Variants in ZNF536 observed in about 807,000 individuals in gnomAD.
ZNF536 encodes the protein zinc finger protein 536.
In ZNF536, 13 loss-of-function variants were observed where a neutral mutation model predicts 84.5. The observed-to-expected ratio is 0.15, with a 90% CI of 0.10 to 0.24. The LOEUF (loss-of-function observed/expected upper bound fraction) is 0.24, where lower values mean the gene tolerates loss of function less well. Among genes scored for constraint, ZNF536 ranks in the 10% least tolerant of loss-of-function variants. The pLI, the probability that ZNF536 is intolerant of heterozygous loss-of-function variation, is 1.00. For missense variants in ZNF536, 1,536 were observed against 1,747.5 expected (o/e 0.88, Z 2.16); for synonymous variants, 811 against 742.5 (o/e 1.09, Z -1.50).
chr19:30,697,666 T>A (rs534064362), intron 1 of ZNF536, among the ~76,000 whole-genome samples: 1 of 152,332 alleles, frequency 6.6e-6, no homozygotes, highest in East Asian at 1.9e-4. Context: ...AGCCTTGGTG[T>A]CTGGCTTGAA....
At chr19:30,683,223 C>A (rs1051560610) in intron 1 of ZNF536, among the ~76,000 whole-genome samples, 2 of 152,160 alleles carry the variant, frequency 1.3e-5, no homozygotes, top group African/African-American at 4.8e-5. Context: ...CTGGCCTTGG[C>A]TGGAGAAGAG....
chr19:30,493,616 G>A (rs546751415), intron 2 of ZNF536, among the ~76,000 whole-genome samples: 1 of 152,264 alleles, frequency 6.6e-6, no homozygotes, highest in South Asian at 2.1e-4. Flanking sequence ...CGGGGCATTT[G>A]TCGTGGGCCT....
chr19:30,514,285 C>CA (rs899951560), intron 2 of ZNF536, among the ~76,000 whole-genome samples: 11 of 152,026 alleles, frequency 7.2e-5, no homozygotes, highest in African/African-American at 2.7e-4. Flanking sequence ...CTCCCACCCT[C>CA]AAAAAAATCA....
chr19:30,436,452 C>G, intron 1 of ZNF536: 6 of 964,708 alleles, frequency 6.2e-6, no homozygotes, highest in Non-Finnish European at 7.3e-6. Flanking sequence ...CAAATGTCAC[C>G]AGTGTTGATT....
Position 30,246,064 on chromosome 19 carries a change from C to T in ZNF536, c.-190+17391C>T, listed in dbSNP as rs370185896. On this transcript the variant is annotated intron_variant, in intron 1 of 5. Coordinates refer to the ZNF536 transcript ENST00000585628. ...GTGGAGACGAGAGAAGATGCTGCCC[C>T]GGCCCCCTGATTGGTGAGCCGCTCA... 1.3e-3 allele frequency among the ~76,000 whole-genome samples: 199 copies of T among 152,256 alleles called. 1 individual carries two copies. Among genetic ancestry groups the T allele is most frequent in the African/African-American group, 4.6e-3 (192 of 41,560 alleles).
chr19:30,422,614 C>T (rs1335175820), intron 1 of ZNF536, among the ~76,000 whole-genome samples: 1 of 152,180 alleles, frequency 6.6e-6, no homozygotes, highest in East Asian at 1.9e-4. Flanking sequence ...CTTATCTCCA[C>T]AGTTCTCATA....
At chr19:30,485,843 A>G (rs571825378) in intron 2 of ZNF536, among the ~76,000 whole-genome samples, 1 of 151,976 alleles carries the variant, frequency 6.6e-6, no homozygotes, top group Non-Finnish European at 1.5e-5. Context: ...TTTTTTCTTA[A>G]TTTGGGATAC....
intron 1 of ZNF536, among the ~76,000 whole-genome samples, chr19:30,426,388 T>A (rs1015420902): frequency 2.6e-5 from 4 of 152,020 alleles, no homozygotes; most frequent in African/African-American, 9.7e-5. Flanking sequence ...CATGAAGGAG[T>A]GCATGGAAAC....
chr19:30,404,156 G>T (rs555019014), intron 1 of ZNF536, among the ~76,000 whole-genome samples: 1 of 151,968 alleles, frequency 6.6e-6, no homozygotes, highest in South Asian at 2.1e-4. Flanking sequence ...TAAGGCCAGC[G>T]TTGCCCACGC....
At chr19:30,590,282 G>T (rs1320209402) in intron 1 of ZNF536, among the ~76,000 whole-genome samples, 1 of 152,214 alleles carries the variant, frequency 6.6e-6, no homozygotes, top group East Asian at 1.9e-4. Flanking sequence ...AAGTGCTGTT[G>T]TCCTCACATT....
intron 2 of ZNF536, among the ~76,000 whole-genome samples, chr19:30,474,356 A>G (rs2053762054): frequency 6.6e-6 from 1 of 151,814 alleles, no homozygotes; most frequent in African/African-American, 2.4e-5. Context: ...TGAAATGATT[A>G]GGGGGTTTAT....
At chr19:30,507,359 AC>A (rs1162731800) in intron 2 of ZNF536, among the ~76,000 whole-genome samples, 2 of 152,160 alleles carry the variant, frequency 1.3e-5, no homozygotes, top group Admixed American at 1.3e-4. Context: ...TCAAAAAAAA[AC>A]CAAAAAACAA....
Position 30,349,692 on chromosome 19 carries a change from C to T in ZNF536, c.-119-2676C>T, listed in dbSNP as rs796433936. The stretch of plus-strand genomic sequence containing the variant: ...TATCCACCTCAGCCCTCGACCCTGC[C>T]CTCACCAACTAGCCATCTTTTTGCC... On this transcript the variant is annotated intron_variant, in intron 2 of 5. Transcript: ENST00000585628. 2.5e-4 allele frequency among the ~76,000 whole-genome samples: 38 copies of T among 152,112 alleles called. 1 individual carries two copies. Among genetic ancestry groups the T allele is most frequent in the African/African-American group, 9.2e-4 (38 of 41,498 alleles).
intron 1 of ZNF536, among the ~76,000 whole-genome samples, chr19:30,692,812 G>A (rs1252046525): frequency 1.3e-5 from 2 of 152,194 alleles, no homozygotes; most frequent in Non-Finnish European, 2.9e-5. Flanking sequence ...CGCCCACAGC[G>A]CTTACTTACC....
At chr19:30,263,466 G>A (rs1405711864) in intron 1 of ZNF536, among the ~76,000 whole-genome samples, 1 of 152,170 alleles carries the variant, frequency 6.6e-6, no homozygotes, top group Non-Finnish European at 1.5e-5. Context: ...TGTTGAAGGA[G>A]CTGCCCATTG....
chr19:30,357,536 T>C (rs2048136836), intron 3 of ZNF536, among the ~76,000 whole-genome samples: 1 of 152,084 alleles, frequency 6.6e-6, no homozygotes, highest in African/African-American at 2.4e-5. Context: ...GTGCCAGGAA[T>C]GAGTGGCTTG....
chr19:30,489,327 C>T (rs779241914), intron 2 of ZNF536, among the ~76,000 whole-genome samples: 53 of 152,156 alleles, frequency 3.5e-4, no homozygotes, highest in Admixed American at 1.1e-3. Context: ...GGCTTGCAGT[C>T]CCAACACTTT....
At chr19:30,407,269 A>G (rs558365182) in intron 1 of ZNF536, among the ~76,000 whole-genome samples, 7 of 152,296 alleles carry the variant, frequency 4.6e-5, no homozygotes, top group South Asian at 2.1e-4. Flanking sequence ...TAGTTTTTCT[A>G]AACATTACAT....
intron 1 of ZNF536, among the ~76,000 whole-genome samples, chr19:30,639,042 C>G (rs2049172933): frequency 6.6e-6 from 1 of 152,192 alleles, no homozygotes; most frequent in African/African-American, 2.4e-5. Context: ...CTCTAGAACT[C>G]AATATTTGTA....
Sources: allele counts gnomAD v4.1 joint callset (sites outside exome capture counted in the v4.1 genomes callset), GRCh38; gene constraint gnomAD v4.1.1; transcripts MANE v1.5; gene names NCBI Gene and HGNC (gene_info 2026-07-23, HGNC 2026-07-21).